The following MYO3A variants were observed in gnomAD, a reference collection of about 807,000 sequenced individuals.
The protein encoded by MYO3A is myosin-IIIa.
MYO3A carries 180 observed loss-of-function variants against 192.7 expected under a neutral mutation model. That is an observed-to-expected ratio of 0.93 (90% confidence interval 0.83 to 1.06). The LOEUF (loss-of-function observed/expected upper bound fraction) is 1.06. Ranked by LOEUF, MYO3A falls within the 50% of genes least tolerant of loss-of-function variation. The probability of loss-of-function intolerance (pLI) is 0.00; values close to 1 mark genes in which losing one functional copy is unlikely to be tolerated. For synonymous variants in MYO3A, 628 were observed against 645.3 expected (o/e 0.97, Z 0.41); for missense variants, 1,896 against 1,905.0 (o/e 1.00, Z 0.09).
intron 19 of MYO3A, 54 bp from the exon 20 acceptor site, chr10:26,128,337 T>C (rs1839331161): frequency 1.3e-6 from 2 of 1,565,790 alleles, no homozygotes; most frequent in African/African-American, 1.4e-5. Flanking sequence ...ATTCCCTGTT[T>C]TACATTACCT....
intron 10 of MYO3A, among the ~76,000 whole-genome samples, chr10:26,046,889 GTAGT>G (rs1309466610): frequency 4.6e-5 from 7 of 152,142 alleles, no homozygotes; most frequent in African/African-American, 1.7e-4. Flanking sequence ...TTTTTCATTA[GTAGT>G]TAGTATTAAA....
At position 26,038,251 on chromosome 10, in the gene MYO3A, A is replaced by G. The variant is rs1277317900; in HGVS notation, c.953+11719A>G. Among the ~76,000 whole-genome samples the G allele has an allele frequency of 3.3e-5, 5 of 152,302 alleles. No homozygotes were observed. In the East Asian group the frequency reaches 9.6e-4, roughly 29 times the overall value. On this transcript the variant is annotated intron_variant, in intron 10 of 34. Transcript: ENST00000642920. ...TATTTCTGTGAAGAATGTCATTGAT[A>G]TTTTGACAGGGATTGCAATTAAATC...
intron 18 of MYO3A, 106 bp from the exon 19 acceptor site, chr10:26,125,292 C>A: frequency 1.0e-6 from 1 of 957,360 alleles, no homozygotes; most frequent in Non-Finnish European, 1.6e-6. Flanking sequence ...AATCTCCACA[C>A]ATTTAATTCA....
intron 10 of MYO3A, among the ~76,000 whole-genome samples, chr10:26,046,122 G>A (rs1458235234): frequency 1.3e-5 from 2 of 152,092 alleles, no homozygotes; most frequent in South Asian, 2.1e-4. Context: ...CCAAGGAGAC[G>A]GTCATGGGAA....
intron 14 of MYO3A, among the ~76,000 whole-genome samples, chr10:26,081,090 C>T (rs540393740): frequency 2.3e-4 from 33 of 142,372 alleles, no homozygotes; most frequent in South Asian, 1.4e-3. Context: ...GGGGTGGAAC[C>T]GGCGGTGGGT....
intron 17 of MYO3A, among the ~76,000 whole-genome samples, chr10:26,102,211 C>T (rs780672430): frequency 2.6e-5 from 4 of 152,160 alleles, no homozygotes; most frequent in African/African-American, 9.7e-5. Flanking sequence ...CTTTTGCATG[C>T]GTCACATAGT....
intron 10 of MYO3A, among the ~76,000 whole-genome samples, chr10:26,034,371 G>A (rs1365784920): frequency 1.4e-4 from 21 of 152,164 alleles, no homozygotes; most frequent in Non-Finnish European, 2.9e-4. Flanking sequence ...GCCTTGGACT[G>A]CCAGGATGGC....
chr10:26,126,231 T>C (rs984050893), intron 19 of MYO3A, among the ~76,000 whole-genome samples: 1 of 152,150 alleles, frequency 6.6e-6, no homozygotes, highest in Non-Finnish European at 1.5e-5. Flanking sequence ...AGGCAGGGCT[T>C]ATACATGGAC....
At chr10:26,019,928 T>C (rs114276530) in intron 7 of MYO3A, among the ~76,000 whole-genome samples, 1,726 of 152,350 alleles carry the variant, frequency 0.011, 38 homozygotes, top group African/African-American at 0.037. Flanking sequence ...TGCTCTCTGA[T>C]TTCAGCAGTT....
At chr10:26,202,344 A>G (rs571668181) in intron 33 of MYO3A, among the ~76,000 whole-genome samples, 1 of 152,314 alleles carries the variant, frequency 6.6e-6, no homozygotes, top group Non-Finnish European at 1.5e-5. Context: ...CTACCTGTTT[A>G]TCTCTTAGGA....
At chr10:26,017,930 G>A (rs1035129557) in intron 7 of MYO3A, among the ~76,000 whole-genome samples, 5 of 150,254 alleles carry the variant, frequency 3.3e-5, no homozygotes, top group African/African-American at 1.2e-4. Flanking sequence ...AAAATGAGAA[G>A]TTAATAAGAA....
At chr10:25,989,139 TC>T (rs1168722292) in intron 4 of MYO3A, among the ~76,000 whole-genome samples, 1 of 151,374 alleles carries the variant, frequency 6.6e-6, no homozygotes, top group Non-Finnish European at 1.5e-5. Context: ...GAGGCAGGGG[TC>T]TTACTGTGTT....
Position 26,203,517 on chromosome 10 carries a change from G to C in MYO3A, c.4730+410G>C, listed in dbSNP as rs536434599. Among the ~76,000 whole-genome samples, 13 of 152,232 alleles carry C rather than the reference G, an allele frequency of 8.5e-5. No individual in the cohort carries two copies. The South Asian group carries it at 1.2e-3, about 15-fold the overall frequency. Reference sequence around the variant, plus strand: ...TGCTTGTTAATTTCTCAGAATCAATGATGTCAGACCCAAAAACATTTGAGA... The same window carrying C: ...TGCTTGTTAATTTCTCAGAATCAATCATGTCAGACCCAAAAACATTTGAGA... On this transcript the variant is annotated intron_variant, in intron 34 of 34. Transcript: ENST00000642920.
chr10:26,112,105 T>G (rs1414090811), intron 17 of MYO3A, among the ~76,000 whole-genome samples: 1 of 152,252 alleles, frequency 6.6e-6, no homozygotes, highest in Non-Finnish European at 1.5e-5. Context: ...AACATTAAAA[T>G]GAAACCAGTT....
intron 10 of MYO3A, among the ~76,000 whole-genome samples, chr10:26,051,972 G>A (rs1304033600): frequency 1.3e-5 from 2 of 152,114 alleles, no homozygotes; most frequent in African/African-American, 2.4e-5. Context: ...TGAGCAAGAA[G>A]CATTAGAGAA....
intron 21 of MYO3A, 74 bp downstream of exon 21, chr10:26,143,675 G>A: frequency 1.3e-6 from 2 of 1,552,748 alleles, no homozygotes; most frequent in East Asian, 4.5e-5. Context: ...TTTTTAAATG[G>A]CTTTAAATTA....
chr10:26,148,840 G>A (rs7082411), intron 23 of MYO3A, among the ~76,000 whole-genome samples: 77,754 of 152,000 alleles, frequency 0.51, 20,281 homozygotes, highest in Middle Eastern at 0.59. Flanking sequence ...TTGCCCTGCA[G>A]CCTTGCTAAG....
chr10:26,202,879 T>G, intron 33 of MYO3A, 85 bp from the exon 34 acceptor site: 1 of 1,467,012 alleles, frequency 6.8e-7, no homozygotes, highest in Non-Finnish European at 9.4e-7. Context: ...TAGTAAATAC[T>G]TTTAAAGAAA....
At chr10:26,183,566 G>A (rs999108605) in intron 31 of MYO3A, among the ~76,000 whole-genome samples, 1 of 152,034 alleles carries the variant, frequency 6.6e-6, no homozygotes, top group Non-Finnish European at 1.5e-5. Flanking sequence ...AAAACTAAAA[G>A]TCGTTTTCAA....
Sources: gnomAD v4.1 joint callset for allele counts (sites outside exome capture counted in the v4.1 genomes callset) on GRCh38, gnomAD v4.1.1 for gene constraint, MANE v1.5 for transcripts, NCBI Gene and HGNC (gene_info 2026-07-23, HGNC 2026-07-21) for gene names.